Variants in PIBF1 observed in about 807,000 individuals in gnomAD.
PIBF1 encodes progesterone-induced-blocking factor 1.
Under a neutral mutation model 112.5 loss-of-function variants are expected in PIBF1, and 90 were observed. That is an observed-to-expected ratio of 0.80 (90% CI 0.67 to 0.95). PIBF1 has a LOEUF of 0.95. PIBF1 is among the 40% of genes least tolerant of loss of function. The pLI is 0.00. For synonymous variants in PIBF1, 301 were observed against 288.6 expected (o/e 1.04, Z -0.44); for missense variants, 915 against 852.3 (o/e 1.07, Z -0.92).
chr13:73,009,606 C>T (rs1388366004), intron 17 of PIBF1, among the ~76,000 whole-genome samples: 1 of 152,174 alleles, frequency 6.6e-6, no homozygotes, highest in Non-Finnish European at 1.5e-5. Flanking sequence ...AGGGGCCAGT[C>T]TTCTAAGTGA....
chr13:72,858,407 C>T (rs1441604599), intron 10 of PIBF1, among the ~76,000 whole-genome samples: 13 of 152,168 alleles, frequency 8.5e-5, no homozygotes, highest in African/African-American at 3.1e-4. Flanking sequence ...TGCAGGTATA[C>T]TTGCTAGGTT....
At chr13:72,829,725 TTTC>T (rs2037006783) in intron 8 of PIBF1, among the ~76,000 whole-genome samples, 1 of 152,202 alleles carries the variant, frequency 6.6e-6, no homozygotes, top group Admixed American at 6.5e-5. Flanking sequence ...TGCCTCCAGC[TTTC>T]TTCTTCTTGC....
chr13:72,988,002 A>G (rs1230218508), intron 16 of PIBF1, among the ~76,000 whole-genome samples: 1 of 150,540 alleles, frequency 6.6e-6, no homozygotes, highest in African/African-American at 2.4e-5. Context: ...AACTGGGACT[A>G]CAGGCGCATG....
chr13:72,969,089 T>C (rs2042826126), intron 15 of PIBF1, among the ~76,000 whole-genome samples: 1 of 151,912 alleles, frequency 6.6e-6, no homozygotes, highest in African/African-American at 2.4e-5. Context: ...ATTGATAGGG[T>C]TGTTCTGAGG....
At chr13:72,837,662 A>G (rs534118332) in intron 9 of PIBF1, among the ~76,000 whole-genome samples, 4 of 152,254 alleles carry the variant, frequency 2.6e-5, no homozygotes, top group Admixed American at 6.5e-5. Flanking sequence ...CTGTTATGCT[A>G]ATAACTTCCT....
At chr13:72,894,842 CA>C (rs1452944810) in intron 11 of PIBF1, among the ~76,000 whole-genome samples, 3 of 148,612 alleles carry the variant, frequency 2.0e-5, no homozygotes, top group East Asian at 3.9e-4. Context: ...ACAGATGATC[CA>C]GGGGCAGTGA....
intron 5 of PIBF1, among the ~76,000 whole-genome samples, chr13:72,809,580 T>G (rs1255731998): frequency 8.5e-6 from 1 of 117,848 alleles, no homozygotes; most frequent in East Asian, 2.0e-4. Context: ...AATAGAAGGT[T>G]TTTTTTTGGT....
At chr13:72,998,073 T>A (rs1413993410) in intron 16 of PIBF1, among the ~76,000 whole-genome samples, 17 of 152,204 alleles carry the variant, frequency 1.1e-4, no homozygotes, top group Admixed American at 1.1e-3. Context: ...AAATCCTGAA[T>A]CTGTATTAAA....
intron 14 of PIBF1, among the ~76,000 whole-genome samples, chr13:72,951,628 A>G (rs762743114): frequency 1.3e-5 from 2 of 152,176 alleles, no homozygotes; most frequent in African/African-American, 2.4e-5. Flanking sequence ...AGACAAAACT[A>G]TGGAGTCAGT....
chr13:72,918,207 C>T (rs969093120), intron 13 of PIBF1, among the ~76,000 whole-genome samples: 1 of 152,140 alleles, frequency 6.6e-6, no homozygotes, highest in Non-Finnish European at 1.5e-5. Context: ...AGCTCTATCT[C>T]TCCAGCCTTA....
chr13:72,944,807 C>G (rs1161668052), intron 14 of PIBF1, among the ~76,000 whole-genome samples: 2 of 151,984 alleles, frequency 1.3e-5, no homozygotes, highest in African/African-American at 2.4e-5. Flanking sequence ...TACTCTCTTG[C>G]CCAGGCTGGA....
intron 3 of PIBF1, among the ~76,000 whole-genome samples, chr13:72,793,925 G>A (rs1382672124): frequency 6.6e-6 from 1 of 152,186 alleles, no homozygotes; most frequent in Non-Finnish European, 1.5e-5. Context: ...TATACGAAAA[G>A]TCTCGTGTAG....
At chr13:72,912,323 C>G (rs112575764) in intron 12 of PIBF1, among the ~76,000 whole-genome samples, 1 of 151,932 alleles carries the variant, frequency 6.6e-6, no homozygotes, top group Non-Finnish European at 1.5e-5. Context: ...ATTCATGTAA[C>G]TCAGTGATTA....
intron 2 of PIBF1, among the ~76,000 whole-genome samples, chr13:72,787,051 T>A (rs889757341): frequency 6.6e-6 from 1 of 152,178 alleles, no homozygotes; most frequent in African/African-American, 2.4e-5. Flanking sequence ...TGAAAGAATA[T>A]TTAAAAAATA....
chr13:72,908,299 T>C (rs1281303941), intron 11 of PIBF1, among the ~76,000 whole-genome samples: 2 of 152,170 alleles, frequency 1.3e-5, no homozygotes, highest in African/African-American at 4.8e-5. Context: ...TCATTTTTTA[T>C]TCAGCTTATA....
At chr13:72,960,209 C>G (rs1180574500) in intron 14 of PIBF1, among the ~76,000 whole-genome samples, 2 of 152,028 alleles carry the variant, frequency 1.3e-5, no homozygotes, top group Non-Finnish European at 2.9e-5. Context: ...GTTAAAGATA[C>G]CTTTTGAAAG....
chr13:73,002,782 G>A (rs1360072285), intron 17 of PIBF1, among the ~76,000 whole-genome samples: 1 of 151,940 alleles, frequency 6.6e-6, no homozygotes, highest in Non-Finnish European at 1.5e-5. Context: ...TAAGGAGTTC[G>A]AGACCAGCCT....
chr13:72,927,057 T>C (rs12867097), intron 13 of PIBF1, among the ~76,000 whole-genome samples: 2 of 151,980 alleles, frequency 1.3e-5, no homozygotes, highest in Admixed American at 1.3e-4. Context: ...GAAAAAATAG[T>C]AATTTCCTTT....
At chr13:72,815,314 C>G (rs1433888014) in intron 5 of PIBF1, among the ~76,000 whole-genome samples, 2 of 152,180 alleles carry the variant, frequency 1.3e-5, no homozygotes, top group Non-Finnish European at 2.9e-5. Context: ...GCTTCATGAA[C>G]ACATTAACGT....
Sources: allele counts gnomAD v4.1 joint callset (sites outside exome capture counted in the v4.1 genomes callset), GRCh38; gene constraint gnomAD v4.1.1; transcripts MANE v1.5; gene names NCBI Gene and HGNC (gene_info 2026-07-23, HGNC 2026-07-21).